KIF26B: variants seen among roughly 807,000 people sequenced by gnomAD.
KIF26B encodes the protein kinesin family member 26B, also known as kinesin-like protein KIF26B.
Under a neutral mutation model 151.2 loss-of-function variants are expected in KIF26B, and 63 were observed. That is an observed-to-expected ratio of 0.42 (90% CI 0.34 to 0.51). The LOEUF (loss-of-function observed/expected upper bound fraction) is 0.51, where lower values mean the gene tolerates loss of function less well. Ranked by LOEUF, KIF26B falls within the 20% of genes least tolerant of loss-of-function variation. KIF26B has a pLI of 0.07. For missense variants in KIF26B, 2,813 were observed against 2,913.6 expected, an observed-to-expected ratio of 0.97 and a Z score of 0.79; for synonymous variants, 1,357 against 1,262.1, an observed-to-expected ratio of 1.08 and a Z score of -1.59.
At chr1:245,177,254 G>A (rs1418469156) in intron 2 of KIF26B, among the ~76,000 whole-genome samples, 2 of 152,170 alleles carry the variant, frequency 1.3e-5, no homozygotes, top group African/African-American at 2.4e-5. Flanking sequence ...TCTGGCCCAT[G>A]AGTCACTGCA....
At chr1:245,679,953 C>T (rs548681001) in intron 10 of KIF26B, among the ~76,000 whole-genome samples, 2 of 152,246 alleles carry the variant, frequency 1.3e-5, no homozygotes, top group African/African-American at 2.4e-5. Flanking sequence ...CAACCCAAAC[C>T]CCTCCAGGCA....
At chr1:245,500,070 G>A (rs2103078327) in intron 4 of KIF26B, among the ~76,000 whole-genome samples, 1 of 152,310 alleles carries the variant, frequency 6.6e-6, no homozygotes, top group Non-Finnish European at 1.5e-5. Flanking sequence ...GCTAAGAACG[G>A]TGGAAGGTTT....
At chr1:245,497,086 G>C (rs1660527645) in intron 4 of KIF26B, among the ~76,000 whole-genome samples, 1 of 150,880 alleles carries the variant, frequency 6.6e-6, no homozygotes, top group Admixed American at 6.6e-5. Flanking sequence ...CCTGGGGGTG[G>C]AGGTTGCTGA....
intron 2 of KIF26B, among the ~76,000 whole-genome samples, chr1:245,338,249 T>C (rs1431515386): frequency 6.6e-6 from 1 of 152,246 alleles, no homozygotes; most frequent in South Asian, 2.1e-4. Flanking sequence ...GCTTCCATTA[T>C]GTACACCAGG....
chr1:245,390,778 GGTTT>G (rs1673665873), intron 3 of KIF26B, among the ~76,000 whole-genome samples: 1 of 151,372 alleles, frequency 6.6e-6, no homozygotes, highest in Non-Finnish European at 1.5e-5. Context: ...ATTTTCCTTT[GGTTT>G]GTTTATTAAT....
intron 10 of KIF26B, among the ~76,000 whole-genome samples, chr1:245,666,787 T>G (rs1479315985): frequency 6.6e-6 from 1 of 151,980 alleles, no homozygotes; most frequent in Non-Finnish European, 1.5e-5. Flanking sequence ...AACTCAAATA[T>G]CCCGTTGGGA....
At chr1:245,371,298 A>G (rs1673115949) in intron 3 of KIF26B, 1 of 152,218 alleles carries the variant, frequency 6.6e-6, no homozygotes, top group Non-Finnish European at 1.5e-5. Context: ...CCTGTTGCGG[A>G]CATCTCCCTG....
intron 3 of KIF26B, among the ~76,000 whole-genome samples, chr1:245,380,561 C>A (rs1013803229): frequency 5.3e-5 from 8 of 152,156 alleles, no homozygotes; most frequent in Non-Finnish European, 1.2e-4. Flanking sequence ...TAGAAGGCAG[C>A]CCTCAAGAAT....
At chr1:245,387,702 G>T (rs907817177) in intron 3 of KIF26B, among the ~76,000 whole-genome samples, 1 of 151,936 alleles carries the variant, frequency 6.6e-6, no homozygotes, top group East Asian at 1.9e-4. Flanking sequence ...AAAAAAACCC[G>T]CAACAAACTA....
rs1453556501 is a variant in KIF26B, at chr1:245,688,587, C to T, written c.5604C>T (p.Gly1868=). ...RRPHRCSSGH[G]SDNSSVLSGE... ...CCCACCGCTGCAGCAGCGGCCACGG[C>T]AGCGACAACAGCAGCGTGCTGAGCG... The change falls in exon 12 of 15, where the codon GGC becomes GGT. Residue 1868 remains glycine, a synonymous_variant. Transcript: ENST00000407071. 6.4e-7 allele frequency: 1 copy of T among 1,574,758 alleles called. No homozygotes were observed. Among genetic ancestry groups the T allele is most frequent in the South Asian group, 1.2e-5 (1 of 85,886 alleles).
intron 3 of KIF26B, among the ~76,000 whole-genome samples, chr1:245,417,801 C>T (rs761495163): frequency 3.3e-5 from 5 of 152,242 alleles, no homozygotes; most frequent in Non-Finnish European, 5.9e-5. Flanking sequence ...TCACCACACG[C>T]GTTCCAGCGG....
intron 10 of KIF26B, among the ~76,000 whole-genome samples, chr1:245,648,860 G>C (rs568104243): frequency 1.3e-5 from 2 of 152,150 alleles, no homozygotes; most frequent in African/African-American, 4.8e-5. Flanking sequence ...CAAGTAAGCA[G>C]ACTAGCTTCC....
chr1:245,618,677 A>G (rs958381763), intron 9 of KIF26B, among the ~76,000 whole-genome samples: 1 of 133,308 alleles, frequency 7.5e-6, no homozygotes, highest in African/African-American at 3.1e-5. Context: ...ATTAGACTAT[A>G]GGTTCCTTGA....
intron 10 of KIF26B, among the ~76,000 whole-genome samples, chr1:245,681,281 C>G (rs1349383691): frequency 4.0e-5 from 6 of 150,950 alleles, no homozygotes; most frequent in African/African-American, 1.5e-4. Flanking sequence ...GCGATCACGG[C>G]TCACTGCAAG....
At chr1:245,331,993 G>T (rs979115949) in intron 2 of KIF26B, among the ~76,000 whole-genome samples, 1 of 152,134 alleles carries the variant, frequency 6.6e-6, no homozygotes, top group Non-Finnish European at 1.5e-5. Flanking sequence ...GGGCGTGGTG[G>T]TGGGTGCCTG....
chr1:245,472,405 C>G (rs1181694087), intron 4 of KIF26B, among the ~76,000 whole-genome samples: 1 of 152,148 alleles, frequency 6.6e-6, no homozygotes, highest in African/African-American at 2.4e-5. Context: ...ATTCAGAACA[C>G]TTGAAACCAG....
rs563525432 is a variant in KIF26B, at chr1:245,585,814, C to A, written c.1351-16763C>A. ...GTTGACTGATTCATTATCCTTCATG[C>A]CAATCACATGGCTGCTACTAGCATG... On this transcript the variant is annotated intron_variant, in intron 5 of 14. Transcript: ENST00000407071. 3.9e-5 allele frequency among the ~76,000 whole-genome samples: 6 copies of A among 152,288 alleles called. No individual in the cohort carries two copies. The South Asian group carries it at 1.0e-3, about 26-fold the overall frequency.
intron 3 of KIF26B, among the ~76,000 whole-genome samples, chr1:245,419,361 T>C (rs1341812931): frequency 6.6e-6 from 1 of 152,076 alleles, no homozygotes; most frequent in Non-Finnish European, 1.5e-5. Flanking sequence ...CGGGGGATAA[T>C]TTTATACCAT....
chr1:245,477,891 G>T (rs1430761279), intron 4 of KIF26B, among the ~76,000 whole-genome samples: 4 of 151,588 alleles, frequency 2.6e-5, no homozygotes, highest in Non-Finnish European at 5.9e-5. Flanking sequence ...CCCCTTTGAG[G>T]CATATAATTT....
Sources: allele counts gnomAD v4.1 joint callset (sites outside exome capture counted in the v4.1 genomes callset), GRCh38; gene constraint gnomAD v4.1.1; transcripts MANE v1.5; gene names NCBI Gene and HGNC (gene_info 2026-07-23, HGNC 2026-07-21).